The following ATP10A variants were observed in gnomAD, a reference collection of about 807,000 sequenced individuals.
The protein encoded by ATP10A is ATPase phospholipid transporting 10A (putative).
In ATP10A, 111 loss-of-function variants were observed where a neutral mutation model predicts 147.8. That is an observed-to-expected ratio of 0.75 (90% CI 0.64 to 0.88). The LOEUF (loss-of-function observed/expected upper bound fraction) is 0.88, where lower values mean the gene tolerates loss of function less well. ATP10A is among the 40% of genes least tolerant of loss of function. The pLI, the probability that ATP10A is intolerant of heterozygous loss-of-function variation, is 0.00. For missense variants in ATP10A, 1,927 were observed against 1,959.0 expected, an observed-to-expected ratio of 0.98 and a Z score of 0.31; for synonymous variants, 875 against 841.6, an observed-to-expected ratio of 1.04 and a Z score of -0.69.
chr15:25,691,817 T>C (rs1198523375), intron 14 of ATP10A, 26 bp from the exon 15 acceptor site: 4 of 1,613,580 alleles, frequency 2.5e-6, no homozygotes, highest in Non-Finnish European at 3.4e-6. Flanking sequence ...GCAAGAAGAA[T>C]TGTTTGATTC....
chr15:25,705,931 T>A (rs1360901505), intron 12 of ATP10A, among the ~76,000 whole-genome samples: 2 of 152,116 alleles, frequency 1.3e-5, no homozygotes, highest in African/African-American at 4.8e-5. Context: ...CGCTGACACA[T>A]CTCAGAGCCA....
chr15:25,815,905 G>T (rs946226842), intron 1 of ATP10A, among the ~76,000 whole-genome samples: 2 of 151,842 alleles, frequency 1.3e-5, no homozygotes, highest in African/African-American at 4.8e-5. Context: ...CAAATGTAAG[G>T]AAATTTTGCC....
chr15:25,719,062 C>A (rs1310403054), intron 7 of ATP10A, among the ~76,000 whole-genome samples: 1 of 152,218 alleles, frequency 6.6e-6, no homozygotes, highest in East Asian at 1.9e-4. Context: ...CTTGCTAACC[C>A]ATGGCTCTGA....
chr15:25,747,854 C>A (rs578037313), intron 2 of ATP10A, among the ~76,000 whole-genome samples: 2 of 152,166 alleles, frequency 1.3e-5, no homozygotes, highest in African/African-American at 4.8e-5. Flanking sequence ...GTAGTGAGAA[C>A]AAATACTTCT....
chr15:25,702,901 T>C (rs1263346336), intron 12 of ATP10A, among the ~76,000 whole-genome samples: 1 of 152,102 alleles, frequency 6.6e-6, no homozygotes, highest in Admixed American at 6.5e-5. Context: ...TGCCCTGTGC[T>C]GGGATGCTGC....
intron 16 of ATP10A, among the ~76,000 whole-genome samples, chr15:25,686,180 G>A (rs1899704093): frequency 6.6e-6 from 1 of 152,168 alleles, no homozygotes; most frequent in Non-Finnish European, 1.5e-5. Flanking sequence ...TTTGCTAGAA[G>A]ACGCTCCGAA....
chr15:25,846,852 T>C (rs1893045067), intron 1 of ATP10A, among the ~76,000 whole-genome samples: 1 of 152,200 alleles, frequency 6.6e-6, no homozygotes, highest in South Asian at 2.1e-4. Context: ...TTCATTTATA[T>C]TTTGTATGTT....
In ATP10A at chr15:25,683,506, A is replaced by G; in HGVS notation, c.3292-20T>C. 6.3e-7 allele frequency: 1 copy of G among 1,599,454 alleles called. No homozygotes were observed. Among genetic ancestry groups the G allele is most frequent in the African/African-American group, 1.3e-5 (1 of 74,306 alleles). ...GAACATCTGAAATCAAGAAAGGAAG[A>G]ACAGGAACAGGCGAGTCTTCAGCCA... On this transcript the variant is annotated intron_variant, in intron 16 of 20. Coordinates refer to ENST00000555815, the MANE Select transcript of ATP10A (RefSeq NM_024490.4).
Position 25,803,398 on chromosome 15 carries a change from C to T in ATP10A, c.450-22175G>A, listed in dbSNP as rs558391266. 4.6e-5 allele frequency among the ~76,000 whole-genome samples: 7 copies of T among 152,316 alleles called. No individual in the cohort carries two copies. In the South Asian group the frequency reaches 1.5e-3, roughly 32 times the overall value. The stretch of plus-strand genomic sequence containing the variant: ...TGGGCACTGCCCATGTCACATGTCC[C>T]CTGGGTGCTGGGACATTTTCTCTCC... On this transcript the variant is annotated intron_variant, in intron 1 of 20. Transcript: ENST00000555815.
At chr15:25,805,544 A>G (rs1891143893) in intron 1 of ATP10A, among the ~76,000 whole-genome samples, 1 of 152,164 alleles carries the variant, frequency 6.6e-6, no homozygotes, top group South Asian at 2.1e-4. Context: ...ACTAAAATCT[A>G]AGTAGGTCTC....
intron 2 of ATP10A, among the ~76,000 whole-genome samples, chr15:25,764,491 A>C (rs1459902440): frequency 6.6e-6 from 1 of 152,148 alleles, no homozygotes; most frequent in Non-Finnish European, 1.5e-5. Context: ...CCTTCTAAGA[A>C]GAGACACTCA....
chr15:25,753,462 A>G (rs1480317428), intron 2 of ATP10A, among the ~76,000 whole-genome samples: 1 of 152,080 alleles, frequency 6.6e-6, no homozygotes, highest in Non-Finnish European at 1.5e-5. Flanking sequence ...GTGTGTGTAT[A>G]CCACGTTTTC....
chr15:25,856,677 T>C (rs1893531519), intron 1 of ATP10A, among the ~76,000 whole-genome samples: 1 of 152,116 alleles, frequency 6.6e-6, no homozygotes, highest in Non-Finnish European at 1.5e-5. Context: ...TCAATGGCTG[T>C]CAACATCACA....
At chr15:25,682,075 AAG>A (rs1163016084) in intron 17 of ATP10A, among the ~76,000 whole-genome samples, 4 of 147,642 alleles carry the variant, frequency 2.7e-5, no homozygotes, top group Non-Finnish European at 4.5e-5. Context: ...AAAAAAAAAA[AAG>A]ATGAAACTGC....
intron 5 of ATP10A, among the ~76,000 whole-genome samples, chr15:25,725,634 CT>C (rs1364542587): frequency 1.4e-5 from 2 of 147,534 alleles, no homozygotes; most frequent in Admixed American, 6.9e-5. Flanking sequence ...TCATTTCTTT[CT>C]TTCTTTTTTT....
At chr15:25,858,991 A>G (rs1476637319) in intron 1 of ATP10A, among the ~76,000 whole-genome samples, 1 of 152,018 alleles carries the variant, frequency 6.6e-6, no homozygotes, top group Non-Finnish European at 1.5e-5. Context: ...GGCACACTCC[A>G]TTTCTGGGAG....
At chr15:25,685,280 T>A (rs1899649122) in intron 16 of ATP10A, among the ~76,000 whole-genome samples, 1 of 152,162 alleles carries the variant, frequency 6.6e-6, no homozygotes, top group Non-Finnish European at 1.5e-5. Context: ...GATTAATGCT[T>A]GTTAACAAAG....
intron 1 of ATP10A, among the ~76,000 whole-genome samples, chr15:25,848,254 A>G (rs11637218): frequency 6.6e-6 from 1 of 152,022 alleles, no homozygotes; most frequent in South Asian, 2.1e-4. Flanking sequence ...AAATTATGAC[A>G]ACTTGGTGGC....
At chr15:25,813,692 A>AT (rs1271291880) in intron 1 of ATP10A, among the ~76,000 whole-genome samples, 1 of 152,188 alleles carries the variant, frequency 6.6e-6, no homozygotes, top group Non-Finnish European at 1.5e-5. Flanking sequence ...AAAAAATAAA[A>AT]TTTTTTAAGA....
Sources: gnomAD v4.1 joint callset for allele counts (sites outside exome capture counted in the v4.1 genomes callset) on GRCh38, gnomAD v4.1.1 for gene constraint, MANE v1.5 for transcripts, NCBI Gene and HGNC (gene_info 2026-07-23, HGNC 2026-07-21) for gene names.